The following KIRREL3 variants were observed in gnomAD, a reference collection of about 807,000 sequenced individuals.
KIRREL3 encodes the protein kin of IRRE-like protein 3.
KIRREL3 carries 36 observed loss-of-function variants against 89.7 expected under a neutral mutation model. The ratio of observed to expected loss-of-function variants is 0.40; its 90% CI spans 0.31 to 0.53. KIRREL3 has a LOEUF of 0.53. Ranked by LOEUF, KIRREL3 falls within the 20% of genes least tolerant of loss-of-function variation. The pLI is 0.49. For synonymous variants in KIRREL3, 445 were observed against 441.4 expected, an observed-to-expected ratio of 1.01 and a Z score of -0.10; for missense variants, 864 against 1,056.6, an observed-to-expected ratio of 0.82 and a Z score of 2.53.
intron 1 of KIRREL3, among the ~76,000 whole-genome samples, chr11:126,787,947 T>C (rs1189338666): frequency 2.0e-5 from 3 of 152,242 alleles, no homozygotes; most frequent in Admixed American, 6.5e-5. Context: ...CACTCTTCTA[T>C]TGAATCCTCA....
chr11:126,448,541 T>G (rs1471023922), intron 8 of KIRREL3, among the ~76,000 whole-genome samples: 1 of 152,078 alleles, frequency 6.6e-6, no homozygotes, highest in Non-Finnish European at 1.5e-5. Context: ...CTCACCCCTG[T>G]GGGATGGTAG....
chr11:126,721,401 A>C (rs551848448), intron 1 of KIRREL3, among the ~76,000 whole-genome samples: 5 of 151,998 alleles, frequency 3.3e-5, no homozygotes, highest in African/African-American at 1.2e-4. Flanking sequence ...ATAGTGGTGC[A>C]TGCCTATAAT....
At chr11:126,699,723 T>C (rs1025292427) in intron 1 of KIRREL3, among the ~76,000 whole-genome samples, 2 of 152,206 alleles carry the variant, frequency 1.3e-5, no homozygotes, top group Non-Finnish European at 2.9e-5. Flanking sequence ...TATCAGATGG[T>C]ATAGAGCCAG....
chr11:126,489,884 C>T lies in KIRREL3; in HGVS notation c.434-16418G>A, dbSNP rs547473453. Among the ~76,000 whole-genome samples, 7 of 152,220 alleles carry T rather than the reference C, an allele frequency of 4.6e-5. No homozygotes were observed. Among genetic ancestry groups the T allele is most frequent in the East Asian group, 3.9e-4 (2 of 5,178 alleles). ...GGATGGTGTCGAGTTGCAGTGGGTG[C>T]GCTGGGATCAGTCCGGGTTAAAATA... On this transcript the variant is annotated intron_variant, in intron 4 of 16. Transcript: ENST00000525144. This position sits in a 1 kb window ranked among gnomAD's most constrained non-coding sequence, Gnocchi z 5.5.
intron 1 of KIRREL3, among the ~76,000 whole-genome samples, chr11:126,774,282 C>T (rs1055525877): frequency 6.6e-6 from 1 of 151,354 alleles, no homozygotes. Flanking sequence ...TAGGAAGAAA[C>T]CCCTCATTGC....
At chr11:126,556,923 A>G (rs562625967) in intron 2 of KIRREL3, among the ~76,000 whole-genome samples, 2 of 152,360 alleles carry the variant, frequency 1.3e-5, no homozygotes, top group South Asian at 2.1e-4. Flanking sequence ...AGTGGAAGAA[A>G]ACACATCAGT....
At position 126,521,495 on chromosome 11, in the gene KIRREL3, G is replaced by T. The variant is rs368939793; in HGVS notation, c.284-31C>A. ...GAGACAACAGGCAGGTCAGGGAGCTGGGGTGGGGTGGAGGGGACACCCATG... is the reference window on the plus strand; with the variant it reads ...GAGACAACAGGCAGGTCAGGGAGCTTGGGTGGGGTGGAGGGGACACCCATG... On this transcript the variant is annotated intron_variant, in intron 3 of 16. Transcript: ENST00000525144. The surrounding 1 kb of genome is among the most constrained non-coding windows in gnomAD (Gnocchi z 4.1). The T allele has an allele frequency of 2.1e-5, 33 of 1,560,500 alleles. 1 individual carries two copies. Among genetic ancestry groups the T allele is most frequent in the Middle Eastern group, 3.3e-4 (2 of 6,000 alleles).
At position 126,892,453 on chromosome 11, in the gene KIRREL3, G is replaced by A. The variant is rs573617493; in HGVS notation, c.55+108002C>T. Among the ~76,000 whole-genome samples, 1 of 152,154 alleles carries A rather than the reference G, an allele frequency of 6.6e-6. No individual in the cohort carries two copies. Among genetic ancestry groups the A allele is most frequent in the African/African-American group, 2.4e-5 (1 of 41,482 alleles). ...GAGGGGCCCTGGGAGAGGCACAAGT[G>A]GCAGCTTTTTTTTCTTGAAAAATCA... On this transcript the variant is annotated intron_variant, in intron 1 of 16. Transcript: ENST00000525144. The surrounding 1 kb of genome is among the most constrained non-coding windows in gnomAD (Gnocchi z 5.4).
Position 126,912,567 on chromosome 11 carries a change from CATCTT to C in KIRREL3, c.55+87883_55+87887del, listed in dbSNP as rs929851142. ...CATGAGCTGTGAGATGGAAATAACT[CATCTT>C]ATCTATTCATCTGGAATACGATCCT... On this transcript the variant is annotated intron_variant, in intron 1 of 16. Transcript: ENST00000525144. This position sits in a 1 kb window ranked among gnomAD's most constrained non-coding sequence, Gnocchi z 4.7. Among the ~76,000 whole-genome samples the C allele has an allele frequency of 6.6e-6, 1 of 152,184 alleles. No homozygotes were observed. Among genetic ancestry groups the C allele is most frequent in the Non-Finnish European group, 1.5e-5 (1 of 68,040 alleles).
In KIRREL3 at chr11:126,812,246, C is replaced by T. The variant is rs1466858637; in HGVS notation, c.55+188209G>A. 5.9e-5 allele frequency among the ~76,000 whole-genome samples: 9 copies of T among 152,084 alleles called. No homozygotes were observed. Among genetic ancestry groups the T allele is most frequent in the African/African-American group, 1.2e-4 (5 of 41,384 alleles). On this transcript the variant is annotated intron_variant, in intron 1 of 16. Transcript: ENST00000525144. This position sits in a 1 kb window ranked among gnomAD's most constrained non-coding sequence, Gnocchi z 5.2. Reference sequence around the variant, plus strand: ...TGGAACTTTGGGGTCCTTAGGATAGCGCTGTGTATATGGCAGGCACTCATT... The same window carrying T: ...TGGAACTTTGGGGTCCTTAGGATAGTGCTGTGTATATGGCAGGCACTCATT...
chr11:126,445,115 T>C lies in KIRREL3; in HGVS notation c.1126-10A>G, dbSNP rs773796808. On this transcript the variant is annotated splice_polypyrimidine_tract_variant and intron_variant, in intron 9 of 16. Transcript: ENST00000525144. The stretch of plus-strand genomic sequence containing the variant: ...TCTCATTGCTCAGGACCTAGGAGAA[T>C]TGGCAGGCTCAGATGCCAAGAGCAG... The C allele has an allele frequency of 1.9e-6, 3 of 1,613,708 alleles. No homozygotes were observed. The highest frequency in any genetic ancestry group is 1.7e-5 in the Admixed American group (1 of 60,022).
intron 1 of KIRREL3, among the ~76,000 whole-genome samples, chr11:126,841,786 C>T (rs1470785509): frequency 6.6e-6 from 1 of 152,208 alleles, no homozygotes; most frequent in Non-Finnish European, 1.5e-5. Context: ...TTGTTGTTGG[C>T]AGTGGTCTTC....
rs898684205 is a variant in KIRREL3, at chr11:126,491,198, C to A, written c.434-17732G>T. 9.2e-5 allele frequency among the ~76,000 whole-genome samples: 14 copies of A among 152,202 alleles called. No individual in the cohort carries two copies. Among genetic ancestry groups the A allele is most frequent in the African/African-American group, 3.4e-4 (14 of 41,448 alleles). ...CCTCCCCGGGCGTCAGCGTCTGCAT[C>A]TGAAAGTGGGCATGGCGGTGAAACC... On this transcript the variant is annotated intron_variant, in intron 4 of 16. Transcript: ENST00000525144. This position sits in a 1 kb window ranked among gnomAD's most constrained non-coding sequence, Gnocchi z 5.5.
rs558214225 is a variant in KIRREL3, at chr11:126,744,685, T to C, written c.56-181773A>G. 2.0e-5 allele frequency among the ~76,000 whole-genome samples: 3 copies of C among 152,322 alleles called. No individual in the cohort carries two copies. Among genetic ancestry groups the C allele is most frequent in the African/African-American group, 7.2e-5 (3 of 41,570 alleles). On this transcript the variant is annotated intron_variant, in intron 1 of 16. Coordinates refer to ENST00000525144, the MANE Select transcript of KIRREL3 (RefSeq NM_032531.4). This position sits in a 1 kb window ranked among gnomAD's most constrained non-coding sequence, Gnocchi z 4.7. ...GTGTGCCCCATGGTGCTGGCAATAGTGTCTCGTGGAAACTAAGGACCCGAT... is the reference window on the plus strand; with the variant it reads ...GTGTGCCCCATGGTGCTGGCAATAGCGTCTCGTGGAAACTAAGGACCCGAT...
chr11:126,743,055 G>A (rs1015882784), intron 1 of KIRREL3, among the ~76,000 whole-genome samples: 2 of 152,208 alleles, frequency 1.3e-5, no homozygotes, highest in Admixed American at 6.5e-5. Context: ...ACCAATTTAA[G>A]ATTCCCTTAG....
chr11:126,753,876 C>G (rs370716635), intron 1 of KIRREL3, among the ~76,000 whole-genome samples: 1 of 152,152 alleles, frequency 6.6e-6, no homozygotes, highest in African/African-American at 2.4e-5. Context: ...GTCCACAGAT[C>G]GTATTAGTCT....
chr11:126,754,714 C>T lies in KIRREL3; in HGVS notation c.56-191802G>A, dbSNP rs762579593. Among the ~76,000 whole-genome samples the T allele has an allele frequency of 3.9e-5, 6 of 152,080 alleles. No homozygotes were observed. The highest frequency in any genetic ancestry group is 1.4e-4 in the African/African-American group (6 of 41,400). On this transcript the variant is annotated intron_variant, in intron 1 of 16. Coordinates refer to ENST00000525144, the MANE Select transcript of KIRREL3 (RefSeq NM_032531.4). The surrounding 1 kb of genome is among the most constrained non-coding windows in gnomAD (Gnocchi z 5.1). ...TCTCTTCTCCTTCTTAATAATCTCC[C>T]GTCTAAGTGCAGGTCTTGATTAAGG... is the stretch of plus-strand genomic sequence containing the variant.
intron 1 of KIRREL3, among the ~76,000 whole-genome samples, chr11:126,831,392 C>T (rs997307828): frequency 6.7e-6 from 1 of 150,308 alleles, no homozygotes; most frequent in Non-Finnish European, 1.5e-5. Context: ...CTCTCTTTCT[C>T]TCTCTTAAGT....
chr11:126,864,387 G>A (rs1944851683), intron 1 of KIRREL3, among the ~76,000 whole-genome samples: 4 of 152,184 alleles, frequency 2.6e-5, no homozygotes, highest in Non-Finnish European at 5.9e-5. Context: ...GAGAAAGGCA[G>A]GTGTGGGACC....
Sources: allele counts gnomAD v4.1 joint callset (sites outside exome capture counted in the v4.1 genomes callset), GRCh38; gene constraint gnomAD v4.1.1; non-coding constraint Gnocchi (gnomAD v3.1); transcripts MANE v1.5; gene names NCBI Gene and HGNC (gene_info 2026-07-23, HGNC 2026-07-21).